The following TENM3 variants were observed in gnomAD, a reference collection of about 807,000 sequenced individuals.
TENM3 encodes the protein teneurin-3.
In TENM3, 63 loss-of-function variants were observed where a neutral mutation model predicts 255.1. The observed-to-expected ratio is 0.25, with a 90% CI of 0.20 to 0.30. TENM3 has a LOEUF of 0.30. Ranked by LOEUF, TENM3 falls within the 10% of genes least tolerant of loss-of-function variation. The pLI, the probability that TENM3 is intolerant of heterozygous loss-of-function variation, is 1.00. For missense variants in TENM3, 2,929 were observed against 3,461.1 expected (o/e 0.85, Z 3.86); for synonymous variants, 1,306 against 1,322.3 (o/e 0.99, Z 0.27).
the TENM3 span, among the ~76,000 whole-genome samples, chr4:181,966,585 A>C: frequency 6.6e-6 from 1 of 152,220 alleles, no homozygotes; most frequent in Non-Finnish European, 1.5e-5. Flanking sequence ...AGCTGAAATC[A>C]TCTTATCTCC....
the TENM3 span, among the ~76,000 whole-genome samples, chr4:181,856,795 A>T: frequency 0.6 from 90,919 of 152,044 alleles, 28,530 homozygotes; most frequent in South Asian, 0.72. Flanking sequence ...TGTACACACC[A>T]GAGGAGGTCG....
the TENM3 span, among the ~76,000 whole-genome samples, chr4:181,591,852 A>G: frequency 6.6e-6 from 1 of 152,120 alleles, no homozygotes; most frequent in Non-Finnish European, 1.5e-5. Context: ...AAGGTTGGAG[A>G]CTGCTGCAGT....
chr4:181,501,527 G>A, the TENM3 span, among the ~76,000 whole-genome samples: 25 of 151,958 alleles, frequency 1.6e-4, no homozygotes, highest in Admixed American at 5.2e-4. Flanking sequence ...ACAGGCACCC[G>A]CCACCACGTC....
At chr4:182,440,575 AC>A (rs1472879389) in intron 3 of TENM3, among the ~76,000 whole-genome samples, 1 of 152,044 alleles carries the variant, frequency 6.6e-6, no homozygotes, top group African/African-American at 2.4e-5. Context: ...AGCTACCTCC[AC>A]CCCCAGTCCT....
At chr4:182,421,125 C>T (rs1770803549) in intron 3 of TENM3, among the ~76,000 whole-genome samples, 1 of 152,106 alleles carries the variant, frequency 6.6e-6, no homozygotes, top group Non-Finnish European at 1.5e-5. Context: ...AATAAAATTG[C>T]ACTGATAGAC....
the TENM3 span, among the ~76,000 whole-genome samples, chr4:181,938,566 C>T: frequency 6.6e-6 from 1 of 152,184 alleles, no homozygotes; most frequent in Non-Finnish European, 1.5e-5. Flanking sequence ...AGGCCTAAAA[C>T]TCGTATTTCC....
chr4:181,806,152 TAATC>T, the TENM3 span, among the ~76,000 whole-genome samples: 4 of 152,366 alleles, frequency 2.6e-5, no homozygotes, highest in Non-Finnish European at 4.4e-5. Flanking sequence ...CCGTAGTACT[TAATC>T]AATAATTCGC....
At chr4:182,235,472 T>G (rs1756837477) in intron 1 of TENM3, among the ~76,000 whole-genome samples, 1 of 152,158 alleles carries the variant, frequency 6.6e-6, no homozygotes, top group Non-Finnish European at 1.5e-5. Context: ...ATGCACCAAT[T>G]CTGCAGTTTC....
At chr4:181,684,918 CTT>C in the TENM3 span, among the ~76,000 whole-genome samples, 2,412 of 44,992 alleles carry the variant, frequency 0.054, 56 homozygotes, top group East Asian at 0.24. Context: ...CCGTGCCTGG[CTT>C]TTTTTTTTTT....
chr4:182,745,151 A>C (rs1761916334), intron 19 of TENM3, among the ~76,000 whole-genome samples: 1 of 152,226 alleles, frequency 6.6e-6, no homozygotes, highest in African/African-American at 2.4e-5. Context: ...AGCAAACAAA[A>C]ACCAAACTAG....
At chr4:181,602,248 C>T in the TENM3 span, among the ~76,000 whole-genome samples, 2 of 152,308 alleles carry the variant, frequency 1.3e-5, no homozygotes, top group Admixed American at 6.5e-5. Flanking sequence ...TAGACTCCCA[C>T]AGCAACATTT....
At chr4:182,028,866 TG>T in the TENM3 span, among the ~76,000 whole-genome samples, 1 of 137,598 alleles carries the variant, frequency 7.3e-6, no homozygotes, top group Non-Finnish European at 1.5e-5. Flanking sequence ...ACTTAACATG[TG>T]GTCTATCCAT....
the TENM3 span, among the ~76,000 whole-genome samples, chr4:181,914,014 A>C: frequency 6.6e-6 from 1 of 152,194 alleles, no homozygotes; most frequent in African/African-American, 2.4e-5. Context: ...AGCCTTGTCT[A>C]TTGCGATCAC....
intron 1 of TENM3, among the ~76,000 whole-genome samples, chr4:182,225,567 G>C (rs1756097645): frequency 6.6e-6 from 1 of 152,178 alleles, no homozygotes; most frequent in South Asian, 2.1e-4. Flanking sequence ...TGGAACCATG[G>C]GGAAGTGACT....
At chr4:182,776,532 C>G (rs1218201169) in intron 24 of TENM3, among the ~76,000 whole-genome samples, 1 of 152,168 alleles carries the variant, frequency 6.6e-6, no homozygotes, top group Non-Finnish European at 1.5e-5. Context: ...TAAAATTTCA[C>G]TGGAAAGAGG....
chr4:181,450,625 A>G, the TENM3 span, among the ~76,000 whole-genome samples: 1 of 152,302 alleles, frequency 6.6e-6, no homozygotes, highest in East Asian at 1.9e-4. Context: ...TGTTCAGATG[A>G]CACCAGTTTC....
the TENM3 span, among the ~76,000 whole-genome samples, chr4:181,717,872 G>A: frequency 6.6e-6 from 1 of 152,158 alleles, no homozygotes; most frequent in Non-Finnish European, 1.5e-5. Context: ...TGAGTAAGAT[G>A]AATTAACTTC....
the TENM3 span, among the ~76,000 whole-genome samples, chr4:181,687,424 C>T: frequency 6.6e-6 from 1 of 152,146 alleles, no homozygotes; most frequent in Non-Finnish European, 1.5e-5. Flanking sequence ...TTCTTTTGTT[C>T]TCTTTTCAGC....
At chr4:182,064,739 C>G in the TENM3 span, among the ~76,000 whole-genome samples, 1 of 152,126 alleles carries the variant, frequency 6.6e-6, no homozygotes, top group Non-Finnish European at 1.5e-5. Context: ...AAGGAAGCCA[C>G]TGCGGCTGAG....
Sources: gnomAD v4.1 joint callset for allele counts (sites outside exome capture counted in the v4.1 genomes callset) on GRCh38, gnomAD v4.1.1 for gene constraint, MANE v1.5 for transcripts, NCBI Gene and HGNC (gene_info 2026-07-23, HGNC 2026-07-21) for gene names.